The following PICALM variants were observed in gnomAD, a reference collection of about 807,000 sequenced individuals.
The protein encoded by PICALM is phosphatidylinositol binding clathrin assembly protein, also known as phosphatidylinositol-binding clathrin assembly protein.
PICALM carries 40 observed loss-of-function variants against 80.5 expected under a neutral mutation model. That is an observed-to-expected ratio of 0.50 (90% CI 0.39 to 0.65). The LOEUF is 0.65. PICALM is among the 30% of genes least tolerant of loss of function. The pLI is 0.00. For synonymous variants in PICALM, 288 were observed against 260.3 expected (o/e 1.11, Z -1.02); for missense variants, 676 against 778.9 (o/e 0.87, Z 1.57).
intron 2 of PICALM, among the ~76,000 whole-genome samples, chr11:86,028,838 C>CTT (rs71040205): frequency 7.1e-5 from 9 of 126,360 alleles, no homozygotes; most frequent in African/African-American, 2.4e-4. Flanking sequence ...TTTTAATTTT[C>CTT]TTTTTTTTTT....
At chr11:86,045,846 C>T (rs2096064111) in intron 1 of PICALM, among the ~76,000 whole-genome samples, 1 of 152,118 alleles carries the variant, frequency 6.6e-6, no homozygotes, top group African/African-American at 2.4e-5. Context: ...CATCATTCTA[C>T]AGTACCAATC....
At chr11:86,058,206 T>C (rs2096300409) in intron 1 of PICALM, among the ~76,000 whole-genome samples, 1 of 152,142 alleles carries the variant, frequency 6.6e-6, no homozygotes, top group East Asian at 1.9e-4. Context: ...ATCCACAAGA[T>C]AACTATTACC....
At chr11:86,020,981 G>T (rs1181809822) in intron 4 of PICALM, among the ~76,000 whole-genome samples, 3 of 152,110 alleles carry the variant, frequency 2.0e-5, no homozygotes, top group Non-Finnish European at 1.5e-5. Context: ...TATGCGATAA[G>T]AAACTGGTGC....
chr11:85,979,407 T>G (rs1345198285), intron 17 of PICALM, among the ~76,000 whole-genome samples: 1 of 151,762 alleles, frequency 6.6e-6, no homozygotes, highest in Non-Finnish European at 1.5e-5. Context: ...GGAGAATCAC[T>G]TGAACCTGGG....
intron 2 of PICALM, among the ~76,000 whole-genome samples, chr11:86,029,238 G>GA (rs924926314): frequency 1.3e-4 from 19 of 149,218 alleles, no homozygotes; most frequent in East Asian, 7.8e-4. Flanking sequence ...TCCCCTAAGG[G>GA]AAAAAAAAAA....
Position 85,981,183 on chromosome 11 carries a change from T to A in PICALM, c.1725A>T (p.Gly575=). 1 of 1,609,428 alleles carries A rather than the reference T, an allele frequency of 6.2e-7. No homozygotes were observed. The highest frequency in any genetic ancestry group is 8.5e-7 in the Non-Finnish European group (1 of 1,175,710). The stretch of plus-strand genomic sequence containing the variant: ...GTGCAACCTTTGGTTGCCAGTTAGA[T>A]CCCCCAGTTAACTTCTTTTCACCTG... ...SQPGEKKLTG[G]SNWQPKVAPT... is the part of the protein sequence containing the mutation. Residue 575 remains glycine (G), a synonymous_variant, in exon 17 of 20, where the codon GGA becomes GGT. Coordinates refer to ENST00000393346, the MANE Select transcript of PICALM (RefSeq NM_007166.4).
chr11:86,069,740 C>A (rs965791345), upstream of PICALM: 1 of 152,236 alleles, frequency 6.6e-6, no homozygotes, highest in South Asian at 2.1e-4. Flanking sequence ...TTTTTTCCCC[C>A]CTTTCCTTGA....
intron 13 of PICALM, among the ~76,000 whole-genome samples, chr11:85,986,641 C>T (rs969158078): frequency 1.3e-5 from 2 of 152,030 alleles, no homozygotes; most frequent in South Asian, 2.1e-4. Context: ...CCACCCGCCT[C>T]GGCCTCCCAG....
At chr11:85,977,921 T>G in intron 17 of PICALM, 6 of 675,268 alleles carry the variant, frequency 8.9e-6, no homozygotes, top group East Asian at 2.7e-5. Context: ...AACACACCCA[T>G]GAAATCAGTA....
chr11:85,981,174 C>T lies in PICALM; in HGVS notation c.1734G>A (p.Trp578Ter). ...GEKKLTGGSN[W>*]QPKVAPTTAW... ...CGGTTGTTGGTGCAACCTTTGGTTG[C>T]CAGTTAGATCCCCCAGTTAACTTCT... Residue 578 changes from tryptophan to a stop codon, truncating the protein, a stop_gained, in exon 17 of 20, where the codon TGG (tryptophan) becomes TGA (stop). Transcript: ENST00000393346. LOFTEE classifies it high-confidence loss of function. 6.2e-7 allele frequency: 1 copy of T among 1,609,914 alleles called. No individual in the cohort carries two copies.
Position 86,000,632 on chromosome 11 carries a change from TCTACTC to T in PICALM, c.1154+5_1154+10del. The T allele has an allele frequency of 1.9e-6, 3 of 1,608,320 alleles. No individual in the cohort carries two copies. The highest frequency in any genetic ancestry group is 2.5e-6 in the Non-Finnish European group (3 of 1,178,118). ...TACATATTCAAAGGTAACCTTAACTTCTACTCCTACCTGTTAGAAGAACTAGGGGTA... is the reference window on the plus strand; with the variant it reads ...TACATATTCAAAGGTAACCTTAACTTCTACCTGTTAGAAGAACTAGGGGTA... On this transcript the variant is annotated splice_donor_5th_base_variant and intron_variant, in intron 11 of 19. Coordinates refer to ENST00000393346, the MANE Select transcript of PICALM (RefSeq NM_007166.4).
chr11:86,028,838 CTTTTT>C (rs71040205), intron 2 of PICALM, among the ~76,000 whole-genome samples: 1 of 126,356 alleles, frequency 7.9e-6, no homozygotes. Context: ...TTTTAATTTT[CTTTTT>C]TTTTTTTTTT....
At chr11:86,025,483 T>C (rs1171590091) in intron 3 of PICALM, among the ~76,000 whole-genome samples, 1 of 152,046 alleles carries the variant, frequency 6.6e-6, no homozygotes, top group East Asian at 1.9e-4. Flanking sequence ...TACTAAAACA[T>C]GTAATATTTC....
rs79894488 is a variant in PICALM, at chr11:86,020,870, A to C, written c.452+1497T>G. 9.8e-4 allele frequency among the ~76,000 whole-genome samples: 149 copies of C among 152,360 alleles called. 1 individual carries two copies. The East Asian group carries it at 0.025, about 25-fold the overall frequency. On this transcript the variant is annotated intron_variant, in intron 4 of 19. Coordinates refer to ENST00000393346, the MANE Select transcript of PICALM (RefSeq NM_007166.4). ...ACAAAAGTACAAGCAACCAAAGGAA[A>C]AAAAAGATACACTTAATTAATTAAA...
chr11:85,976,523 A>C (rs1436985969), intron 18 of PICALM, 100 bp downstream of exon 18: 1 of 731,956 alleles, frequency 1.4e-6, no homozygotes, highest in Admixed American at 1.9e-5. Context: ...GGCTAGGAGT[A>C]TGAGGAGCAC....
chr11:86,039,613 C>G (rs2095912166), intron 1 of PICALM, among the ~76,000 whole-genome samples: 1 of 152,014 alleles, frequency 6.6e-6, no homozygotes, highest in Non-Finnish European at 1.5e-5. Context: ...AAGAAGGTAA[C>G]CTGAAAAGAC....
chr11:85,974,193 AT>A lies in PICALM; in HGVS notation c.1944+514del, dbSNP rs528277234. ...TTAAACCATCTAAGTTTAGCATGAC[AT>A]TTCAAGCTTTTTGACTCCTTTTTTT... On this transcript the variant is annotated intron_variant, in intron 19 of 19. Transcript: ENST00000393346. Among the ~76,000 whole-genome samples, 20 of 152,330 alleles carry A rather than the reference AT, an allele frequency of 1.3e-4. No individual in the cohort carries two copies. In the South Asian group the frequency reaches 4.1e-3, roughly 32 times the overall value.
intron 19 of PICALM, among the ~76,000 whole-genome samples, chr11:85,972,453 T>C (rs973627471): frequency 5.3e-5 from 8 of 152,250 alleles, no homozygotes; most frequent in Admixed American, 4.6e-4. Flanking sequence ...CTTCCAAGTC[T>C]GTCTTCTTTA....
intron 13 of PICALM, among the ~76,000 whole-genome samples, chr11:85,989,289 A>T (rs1412001095): frequency 6.6e-6 from 1 of 152,188 alleles, no homozygotes; most frequent in Non-Finnish European, 1.5e-5. Context: ...ACAACACCTG[A>T]CTTGGAACTT....
Sources: allele counts gnomAD v4.1 joint callset (sites outside exome capture counted in the v4.1 genomes callset), GRCh38; gene constraint gnomAD v4.1.1; transcripts MANE v1.5; gene names NCBI Gene and HGNC (gene_info 2026-07-23, HGNC 2026-07-21).